RAB28: variants seen among roughly 807,000 people sequenced by gnomAD.
The protein encoded by RAB28 is ras-related protein Rab-28.
A neutral mutation model predicts 31.7 loss-of-function variants in RAB28; 24 were observed. The ratio of observed to expected loss-of-function variants is 0.76; its 90% confidence interval spans 0.55 to 1.06. The LOEUF (loss-of-function observed/expected upper bound fraction) is 1.06, where lower values mean the gene tolerates loss of function less well. RAB28 is among the 50% of genes least tolerant of loss of function. The pLI, the probability that RAB28 is intolerant of heterozygous loss-of-function variation, is 0.00. For missense variants in RAB28, 254 were observed against 258.5 expected (o/e 0.98, Z 0.12); for synonymous variants, 100 against 90.4 (o/e 1.11, Z -0.60).
chr4:13,474,501 A>G lies in RAB28; in HGVS notation c.173-95T>C, dbSNP rs888052887. ...CAGTATCACAGAATACTAAGTCACA[A>G]TAAGAAACTCTGAGCCCAATTTGCC... On this transcript the variant is annotated intron_variant, in intron 2 of 6. Transcript: ENST00000330852. The G allele has an allele frequency of 5.4e-5, 38 of 697,956 alleles. No individual in the cohort carries two copies. The African/African-American group carries it at 6.5e-4, about 12-fold the overall frequency. 43.2% of individuals were successfully genotyped at this position (697,956 alleles called of 1,614,324 possible). A position where few individuals can be genotyped will look rare whatever the true frequency, so the allele number is the denominator to read the frequency against.
At chr4:13,384,232 C>T (rs879764149) in intron 4 of RAB28, among the ~76,000 whole-genome samples, 4 of 152,192 alleles carry the variant, frequency 2.6e-5, no homozygotes, top group Admixed American at 2.6e-4. Flanking sequence ...CAGCACCCGA[C>T]CCCCATGCTA....
intron 4 of RAB28, among the ~76,000 whole-genome samples, chr4:13,442,465 A>G (rs1457042312): frequency 6.6e-6 from 1 of 151,982 alleles, no homozygotes; most frequent in East Asian, 1.9e-4. Context: ...CTCCATCAGC[A>G]GAATTTAAGC....
chr4:13,385,144 G>T (rs1405412023), intron 4 of RAB28, among the ~76,000 whole-genome samples: 1 of 151,976 alleles, frequency 6.6e-6, no homozygotes, highest in African/African-American at 2.4e-5. Context: ...AGTCAGACAA[G>T]AATAAAGGAA....
chr4:13,401,394 G>C (rs941928259), intron 4 of RAB28, among the ~76,000 whole-genome samples: 12 of 152,162 alleles, frequency 7.9e-5, no homozygotes, highest in Admixed American at 7.9e-4. Context: ...GGAGCTAGGG[G>C]AGGGATAGCA....
At chr4:13,437,014 C>T (rs1190594471) in intron 4 of RAB28, among the ~76,000 whole-genome samples, 1 of 152,096 alleles carries the variant, frequency 6.6e-6, no homozygotes. Context: ...CAAATAGACA[C>T]ATAGACCAAT....
At chr4:13,371,738 T>G in intron 6 of RAB28, 2 of 1,543,898 alleles carry the variant, frequency 1.3e-6, no homozygotes, top group Non-Finnish European at 1.7e-6. Flanking sequence ...GTAGTCAGCT[T>G]ATTTAAAAGC....
At position 13,479,484 on chromosome 4, in the gene RAB28, G is replaced by T. The variant is rs1340124219; in HGVS notation, c.118C>A (p.Gln40Lys). Residue 40 changes from glutamine (Q) to lysine (K), a missense_variant, in exon 2 of 7, where the codon CAG (glutamine) becomes AAG (lysine). By Grantham distance (53) the Gln-to-Lys change is moderately conservative. Transcript: ENST00000330852. ...TCFAQETFGKQYKQTIGLDFF... is the reference protein window; with the variant it reads ...TCFAQETFGKKYKQTIGLDFF... ...TCCAGTCCTATAGTTTGTTTGTACT[G>T]TTTCCCAAAAGTTTCTTGAGCAAAA... is the stretch of plus-strand genomic sequence containing the variant. The T allele has an allele frequency of 3.7e-6, 6 of 1,609,124 alleles. No individual in the cohort carries two copies. In the South Asian group the frequency reaches 6.6e-5, roughly 18 times the overall value.
At chr4:13,469,174 A>T (rs1013334220) in intron 3 of RAB28, among the ~76,000 whole-genome samples, 1 of 152,014 alleles carries the variant, frequency 6.6e-6, no homozygotes, top group Non-Finnish European at 1.5e-5. Flanking sequence ...TCCAAGCCAC[A>T]AGAAAGTAAA....
chr4:13,376,920 C>A (rs1728945416), intron 5 of RAB28, among the ~76,000 whole-genome samples: 1 of 152,054 alleles, frequency 6.6e-6, no homozygotes, highest in Admixed American at 6.6e-5. Context: ...AACAACAAAA[C>A]AATCCTACTT....
At chr4:13,442,483 C>CA (rs1296539982) in intron 4 of RAB28, among the ~76,000 whole-genome samples, 211 of 130,412 alleles carry the variant, frequency 1.6e-3, no homozygotes, top group East Asian at 1.8e-3. Flanking sequence ...AGCAAATGTC[C>CA]AAAAAAAAAA....
At chr4:13,411,353 T>C (rs977761590) in intron 4 of RAB28, among the ~76,000 whole-genome samples, 2 of 152,126 alleles carry the variant, frequency 1.3e-5, no homozygotes, top group African/African-American at 2.4e-5. Flanking sequence ...GTTGGTCCAT[T>C]AAAAAGTTCA....
Position 13,458,040 on chromosome 4 carries a change from C to T in RAB28, c.391+2659G>A, listed in dbSNP as rs753698411. Among the ~76,000 whole-genome samples, 8 of 152,040 alleles carry T rather than the reference C, an allele frequency of 5.3e-5. No homozygotes were observed. The East Asian group carries it at 7.7e-4, about 15-fold the overall frequency. Reference sequence around the variant, plus strand: ...TGAGAAGCTGAACCCAGAAACAGAACGTAAGCTCATCAAAACATGATTTGT... The same window carrying T: ...TGAGAAGCTGAACCCAGAAACAGAATGTAAGCTCATCAAAACATGATTTGT... On this transcript the variant is annotated intron_variant, in intron 4 of 6. Coordinates refer to ENST00000330852, the MANE Select transcript of RAB28 (RefSeq NM_001017979.3).
intron 4 of RAB28, among the ~76,000 whole-genome samples, chr4:13,396,978 T>TA (rs1213357882): frequency 6.6e-6 from 1 of 152,092 alleles, no homozygotes; most frequent in Admixed American, 6.5e-5. Flanking sequence ...TACATGCAGC[T>TA]AAAAACAAAA....
At chr4:13,416,181 TCAGGTCC>T (rs932412486) in intron 4 of RAB28, among the ~76,000 whole-genome samples, 1 of 152,064 alleles carries the variant, frequency 6.6e-6, no homozygotes, top group Non-Finnish European at 1.5e-5. Flanking sequence ...AGCAACCTGC[TCAGGTCC>T]CCTTCCACAC....
At chr4:13,463,857 A>T (rs1400085755) in intron 3 of RAB28, among the ~76,000 whole-genome samples, 1 of 152,136 alleles carries the variant, frequency 6.6e-6, no homozygotes, top group Admixed American at 6.6e-5. Context: ...TATAAAAGGA[A>T]TTATAGGACC....
chr4:13,377,165 G>C (rs1011545031), intron 5 of RAB28, among the ~76,000 whole-genome samples: 3 of 152,042 alleles, frequency 2.0e-5, no homozygotes, highest in African/African-American at 7.2e-5. Flanking sequence ...TATCAGTTCA[G>C]AGCAAAGGAA....
At position 13,484,067 on chromosome 4, in the gene RAB28, A is replaced by G. The variant is rs746367066; in HGVS notation, c.75+9T>C. ...AGGCCTGGGACGGCGGGCCTGCTCG[A>G]GGACTGACCTTCCCGGAGGCGCCGT... On this transcript the variant is annotated intron_variant, in intron 1 of 6. Coordinates refer to ENST00000330852, the MANE Select transcript of RAB28 (RefSeq NM_001017979.3). 4 of 1,590,020 alleles carry G rather than the reference A, an allele frequency of 2.5e-6. No individual in the cohort carries two copies. Among genetic ancestry groups the G allele is most frequent in the Non-Finnish European group, 3.4e-6 (4 of 1,169,108 alleles).
chr4:13,425,830 A>C (rs956237729), intron 4 of RAB28, among the ~76,000 whole-genome samples: 3 of 152,274 alleles, frequency 2.0e-5, no homozygotes, highest in Admixed American at 2.0e-4. Flanking sequence ...GTTCTGTGGC[A>C]ACAAAAATAT....
At position 13,479,345 on chromosome 4, in the gene RAB28, CAAA is replaced by C. The variant is rs112994371; in HGVS notation, c.172+82_172+84del. ...ATACATCTTCATGTAGAAGCAGCCC[CAAA>C]ATTTTACACATTTCTTTCTTATGCC... On this transcript the variant is annotated intron_variant, in intron 2 of 6. Transcript: ENST00000330852. 3.7e-3 allele frequency: 3,606 copies of C among 982,690 alleles called. 90 individuals carry two copies. In the African/African-American group the frequency reaches 0.053, roughly 14 times the overall value. 60.9% of individuals were successfully genotyped at this position (982,690 alleles called of 1,614,324 possible).
Sources: gnomAD v4.1 joint callset for allele counts (sites outside exome capture counted in the v4.1 genomes callset) on GRCh38, gnomAD v4.1.1 for gene constraint, MANE v1.5 for transcripts, NCBI Gene and HGNC (gene_info 2026-07-23, HGNC 2026-07-21) for gene names.